RPS6KC1: variants seen among roughly 807,000 people sequenced by gnomAD.
RPS6KC1 encodes inactive ribosomal protein S6 kinase delta-1.
A neutral mutation model predicts 103.8 loss-of-function variants in RPS6KC1; 54 were observed. That is an observed-to-expected ratio of 0.52 (90% CI 0.42 to 0.65). The LOEUF (loss-of-function observed/expected upper bound fraction) is 0.65. Ranked by LOEUF, RPS6KC1 falls within the 30% of genes least tolerant of loss-of-function variation. RPS6KC1 has a pLI of 0.00. For synonymous variants in RPS6KC1, 439 were observed against 438.7 expected (o/e 1.00, Z -0.01); for missense variants, 1,151 against 1,253.8 (o/e 0.92, Z 1.24).
At chr1:213,649,258 TAA>T in the RPS6KC1 span, among the ~76,000 whole-genome samples, 39 of 138,424 alleles carry the variant, frequency 2.8e-4, no homozygotes, top group East Asian at 2.3e-3. Flanking sequence ...AGTCTCCACT[TAA>T]AAAAAAAAAA....
chr1:213,548,835 G>A, the RPS6KC1 span, among the ~76,000 whole-genome samples: 4 of 152,092 alleles, frequency 2.6e-5, no homozygotes, highest in Non-Finnish European at 5.9e-5. Flanking sequence ...GTACATATAT[G>A]CTTTATATAC....
At chr1:213,161,263 T>C (rs1460464953) in intron 6 of RPS6KC1, among the ~76,000 whole-genome samples, 1 of 152,190 alleles carries the variant, frequency 6.6e-6, no homozygotes, top group East Asian at 1.9e-4. Context: ...GGGAGGATTT[T>C]CTCTGTTACT....
At chr1:213,666,062 C>T in the RPS6KC1 span, among the ~76,000 whole-genome samples, 4,935 of 152,018 alleles carry the variant, frequency 0.032, 260 homozygotes, top group African/African-American at 0.11. Flanking sequence ...TAGCCATGAC[C>T]CCCTCTCGGC....
chr1:213,741,499 T>C, the RPS6KC1 span, among the ~76,000 whole-genome samples: 20 of 150,978 alleles, frequency 1.3e-4, no homozygotes, highest in African/African-American at 4.9e-4. Context: ...TGTGAGAAAA[T>C]GCGTGCTTGA....
the RPS6KC1 span, among the ~76,000 whole-genome samples, chr1:213,561,742 C>A: frequency 6.6e-6 from 1 of 152,188 alleles, no homozygotes; most frequent in Non-Finnish European, 1.5e-5. Context: ...ATAACCCAGC[C>A]CCACTGAGCA....
At chr1:213,830,071 A>G in the RPS6KC1 span, among the ~76,000 whole-genome samples, 1 of 152,202 alleles carries the variant, frequency 6.6e-6, no homozygotes, top group Admixed American at 6.5e-5. Flanking sequence ...GGCCGTAATT[A>G]GAGACTAATG....
the RPS6KC1 span, among the ~76,000 whole-genome samples, chr1:213,461,957 A>G: frequency 5.3e-5 from 8 of 152,216 alleles, no homozygotes; most frequent in Non-Finnish European, 1.2e-4. Context: ...GCACAGCAAA[A>G]GAAACTATCA....
chr1:213,709,814 T>C, the RPS6KC1 span, among the ~76,000 whole-genome samples: 3 of 152,350 alleles, frequency 2.0e-5, no homozygotes, highest in African/African-American at 7.2e-5. Flanking sequence ...TCAGTTTCCA[T>C]GTAGTTGTGC....
At chr1:213,197,338 G>A (rs946670962) in intron 8 of RPS6KC1, among the ~76,000 whole-genome samples, 2 of 151,964 alleles carry the variant, frequency 1.3e-5, no homozygotes, top group Non-Finnish European at 2.9e-5. Context: ...ATGGCATTTT[G>A]GTGGGAATTG....
chr1:213,339,993 A>G, the RPS6KC1 span, among the ~76,000 whole-genome samples: 1 of 152,102 alleles, frequency 6.6e-6, no homozygotes, highest in South Asian at 2.1e-4. Flanking sequence ...CCTGGGTTCA[A>G]GCAATTCTCC....
At chr1:213,836,782 A>C in the RPS6KC1 span, among the ~76,000 whole-genome samples, 1 of 152,152 alleles carries the variant, frequency 6.6e-6, no homozygotes, top group African/African-American at 2.4e-5. Context: ...AAGAAATTAT[A>C]TGTGCTCAGA....
intron 8 of RPS6KC1, among the ~76,000 whole-genome samples, chr1:213,196,656 G>C (rs999941236): frequency 9.9e-5 from 15 of 152,148 alleles, no homozygotes; most frequent in African/African-American, 3.4e-4. Flanking sequence ...GTTGACTTTT[G>C]TGTAAGGCGA....
At chr1:213,350,375 C>T in the RPS6KC1 span, among the ~76,000 whole-genome samples, 1 of 152,280 alleles carries the variant, frequency 6.6e-6, no homozygotes, top group South Asian at 2.1e-4. Flanking sequence ...ATACAGAATT[C>T]TCTTTTATCA....
At chr1:213,504,579 A>G in the RPS6KC1 span, among the ~76,000 whole-genome samples, 1 of 152,202 alleles carries the variant, frequency 6.6e-6, no homozygotes, top group African/African-American at 2.4e-5. Context: ...TGCCTAGTAC[A>G]GGGTGTGGGA....
chr1:213,258,337 C>T (rs1051056958), intron 12 of RPS6KC1, among the ~76,000 whole-genome samples: 1 of 152,146 alleles, frequency 6.6e-6, no homozygotes, highest in Non-Finnish European at 1.5e-5. Flanking sequence ...CTCCTGACTT[C>T]AGGTGATCCT....
chr1:213,651,712 G>T, the RPS6KC1 span, among the ~76,000 whole-genome samples: 2 of 152,202 alleles, frequency 1.3e-5, no homozygotes, highest in Admixed American at 6.5e-5. Flanking sequence ...CAAAGGCAAG[G>T]AGTTTTCTGT....
chr1:213,602,809 C>T, the RPS6KC1 span, among the ~76,000 whole-genome samples: 1 of 152,154 alleles, frequency 6.6e-6, no homozygotes, highest in Non-Finnish European at 1.5e-5. Flanking sequence ...TCCCTCGCAG[C>T]CTTAGAGTTT....
the RPS6KC1 span, among the ~76,000 whole-genome samples, chr1:213,375,550 C>A: frequency 2.0e-5 from 3 of 152,114 alleles, no homozygotes; most frequent in African/African-American, 7.2e-5. Flanking sequence ...ATCCCCCACC[C>A]CCAAGAACAT....
At chr1:213,288,147 C>T in the RPS6KC1 span, among the ~76,000 whole-genome samples, 1 of 152,202 alleles carries the variant, frequency 6.6e-6, no homozygotes, top group Admixed American at 6.5e-5. Context: ...AGGGAGAAAC[C>T]TGCCAGGTGG....
Sources: allele counts gnomAD v4.1 joint callset (sites outside exome capture counted in the v4.1 genomes callset), GRCh38; gene constraint gnomAD v4.1.1; transcripts MANE v1.5; gene names NCBI Gene and HGNC (gene_info 2026-07-23, HGNC 2026-07-21).